Variants in POLR1D observed in about 807,000 individuals in gnomAD.
The protein encoded by POLR1D is RNA polymerase I and III subunit D.
POLR1D carries 8 observed loss-of-function variants against 10.8 expected under a neutral mutation model. That is an observed-to-expected ratio of 0.74 (90% CI 0.43 to 1.33). The LOEUF (loss-of-function observed/expected upper bound fraction) is 1.33. POLR1D is among the 40% of genes most tolerant of loss of function. The probability of loss-of-function intolerance (pLI) is 0.01; values close to 1 mark genes in which losing one functional copy is unlikely to be tolerated. For missense variants in POLR1D, 152 were observed against 161.7 expected (o/e 0.94, Z 0.32); for synonymous variants, 54 against 57.2 (o/e 0.94, Z 0.25).
At chr13:27,650,821 A>G (rs1045113539) in intron 2 of POLR1D, 4 of 152,212 alleles carry the variant, frequency 2.6e-5, no homozygotes, top group African/African-American at 4.8e-5. Context: ...GTAAGGTCAT[A>G]ATGATAATCA....
intron 1 of POLR1D, 84 bp downstream of exon 1, chr13:27,622,093 C>T: frequency 8.4e-7 from 1 of 1,188,724 alleles, no homozygotes; most frequent in East Asian, 2.5e-5. Flanking sequence ...GGCCTGGCAG[C>T]CGGGGCCTGA....
chr13:27,639,784 C>T (rs1472337948), intron 1 of POLR1D, among the ~76,000 whole-genome samples: 19 of 152,172 alleles, frequency 1.2e-4, no homozygotes, highest in Admixed American at 1.2e-3. Flanking sequence ...TTGAGAATGT[C>T]GAAGTCCAGG....
chr13:27,646,628 A>G (rs1314554132), intron 1 of POLR1D, among the ~76,000 whole-genome samples: 1 of 152,240 alleles, frequency 6.6e-6, no homozygotes, highest in Admixed American at 6.5e-5. Context: ...AACTGAAAAG[A>G]CATCTTTTAA....
At chr13:27,622,126 T>C (rs1955942421) in intron 1 of POLR1D, 117 bp downstream of exon 1, 4 of 852,904 alleles carry the variant, frequency 4.7e-6, no homozygotes, top group Admixed American at 2.0e-5. Flanking sequence ...AGAAGAAGCA[T>C]GGAGAGAGAA....
At chr13:27,649,760 C>T (rs1956250284) in intron 2 of POLR1D, among the ~76,000 whole-genome samples, 1 of 152,112 alleles carries the variant, frequency 6.6e-6, no homozygotes, top group Non-Finnish European at 1.5e-5. Flanking sequence ...GACCACCCAC[C>T]CAGTAGCAGT....
At chr13:27,636,505 CTT>C (rs1956125510) in intron 1 of POLR1D, among the ~76,000 whole-genome samples, 1 of 152,132 alleles carries the variant, frequency 6.6e-6, no homozygotes, top group South Asian at 2.1e-4. Flanking sequence ...ATCCTTGAAA[CTT>C]TTCTAAAAAC....
rs141888870 is a variant in POLR1D at position 27,657,525 on chromosome 13, C to G, written c.102-8161C>G. On this transcript the variant is annotated intron_variant, in intron 2 of 2. Transcript: ENST00000399697. ...TGGGCGACGGAGCAAGACTCCATCT[C>G]AAAAAAATAAAAAATGAATAAAAAA... Among the ~76,000 whole-genome samples, 467 of 152,064 alleles carry G rather than the reference C, an allele frequency of 3.1e-3. 2 individuals carry two copies. Among genetic ancestry groups the G allele is most frequent in the African/African-American group, 0.011 (449 of 41,480 alleles).
At chr13:27,630,967 G>A (rs147028894) in intron 1 of POLR1D, among the ~76,000 whole-genome samples, 9 of 152,242 alleles carry the variant, frequency 5.9e-5, no homozygotes, top group African/African-American at 1.7e-4. Context: ...TGCCATTTCA[G>A]GGCCTTGGCA....
At chr13:27,638,668 G>A (rs1956148390) in intron 1 of POLR1D, among the ~76,000 whole-genome samples, 1 of 152,144 alleles carries the variant, frequency 6.6e-6, no homozygotes, top group African/African-American at 2.4e-5. Context: ...GAAGAAAATA[G>A]CTTCAGCAGG....
At chr13:27,637,192 A>G (rs1466241937) in intron 1 of POLR1D, among the ~76,000 whole-genome samples, 1 of 152,056 alleles carries the variant, frequency 6.6e-6, no homozygotes, top group Admixed American at 6.5e-5. Context: ...ATGTGTTATG[A>G]TATAAAGGTA....
chr13:27,665,635 G>A, intron 2 of POLR1D: 2 of 1,548,978 alleles, frequency 1.3e-6, no homozygotes, highest in Non-Finnish European at 1.8e-6. Context: ...TCCAGCTTTG[G>A]AGTTAACCAT....
intron 1 of POLR1D, among the ~76,000 whole-genome samples, chr13:27,644,159 G>A (rs1007593210): frequency 2.0e-5 from 3 of 151,992 alleles, no homozygotes; most frequent in Admixed American, 2.0e-4. Flanking sequence ...TTGAGATTTA[G>A]CTTCTCTGAT....
rs559453102 is a variant in POLR1D at position 27,637,913 on chromosome 13, G to GT, written c.27-10465dup. ...CCTGAGTAGCTGGGACTACAAGCATGTGCCACCACACTGGCATAAATTTTT... is the reference window on the plus strand; with the variant it reads ...CCTGAGTAGCTGGGACTACAAGCATGTTGCCACCACACTGGCATAAATTTTT... On this transcript the variant is annotated intron_variant, in intron 1 of 2. Coordinates refer to the POLR1D transcript ENST00000399697. Among the ~76,000 whole-genome samples, 22 of 152,096 alleles carry GT rather than the reference G, an allele frequency of 1.4e-4. No homozygotes were observed. The South Asian group carries it at 4.6e-3, about 32-fold the overall frequency.
At chr13:27,653,189 C>T (rs1312156245) in intron 2 of POLR1D, among the ~76,000 whole-genome samples, 3 of 151,958 alleles carry the variant, frequency 2.0e-5, no homozygotes, top group South Asian at 2.1e-4. Context: ...CGTGAGCCAC[C>T]GTGCCCGGCC....
At chr13:27,631,681 C>G (rs1171030646) in intron 1 of POLR1D, among the ~76,000 whole-genome samples, 3 of 152,194 alleles carry the variant, frequency 2.0e-5, no homozygotes, top group African/African-American at 7.2e-5. Flanking sequence ...TGAAAAATAT[C>G]TCCTTGGCGG....
At chr13:27,625,190 G>A (rs1427039730), downstream of POLR1D, among the ~76,000 whole-genome samples, 1 of 152,170 alleles carries the variant, frequency 6.6e-6, no homozygotes, top group Non-Finnish European at 1.5e-5. Context: ...TGGAGTCCAT[G>A]GGAGGAAGAG....
At chr13:27,660,905 A>G (rs2138572571) in intron 2 of POLR1D, 1 of 152,344 alleles carries the variant, frequency 6.6e-6, no homozygotes, top group Middle Eastern at 3.4e-3. Context: ...TTGGTAATGG[A>G]ATAGCACAAG....
chr13:27,638,948 T>C (rs1956152000), intron 1 of POLR1D, among the ~76,000 whole-genome samples: 1 of 152,190 alleles, frequency 6.6e-6, no homozygotes, highest in African/African-American at 2.4e-5. Context: ...TTGTAATGTT[T>C]TCTTTTGTAC....
chr13:27,651,641 GAAAA>G (rs1266844260), intron 2 of POLR1D: 1 of 151,962 alleles, frequency 6.6e-6, no homozygotes, highest in Non-Finnish European at 1.5e-5. Flanking sequence ...AGTGAATACT[GAAAA>G]AAATGCTCAG....
Sources: gnomAD v4.1 joint callset for allele counts (sites outside exome capture counted in the v4.1 genomes callset) on GRCh38, gnomAD v4.1.1 for gene constraint, MANE v1.5 for transcripts, NCBI Gene and HGNC (gene_info 2026-07-23, HGNC 2026-07-21) for gene names.